The following MIER1 variants were observed in gnomAD, a reference collection of about 807,000 sequenced individuals.
MIER1 encodes mesoderm induction early response protein 1.
A neutral mutation model predicts 75.7 loss-of-function variants in MIER1; 40 were observed. The ratio of observed to expected loss-of-function variants is 0.53; its 90% CI spans 0.41 to 0.69. The LOEUF (loss-of-function observed/expected upper bound fraction) is 0.69, where lower values mean the gene tolerates loss of function less well. Ranked by LOEUF, MIER1 falls within the 30% of genes least tolerant of loss-of-function variation. The pLI is 0.00. For missense variants in MIER1, 574 were observed against 680.2 expected, an observed-to-expected ratio of 0.84 and a Z score of 1.74; for synonymous variants, 213 against 223.4, an observed-to-expected ratio of 0.95 and a Z score of 0.42.
intron 7 of MIER1, among the ~76,000 whole-genome samples, chr1:66,960,942 ATGTGT>A (rs1228981612): frequency 1.3e-5 from 2 of 152,042 alleles, no homozygotes; most frequent in Non-Finnish European, 2.9e-5. Context: ...TATCTTCAAC[ATGTGT>A]TGTTTTTTAA....
At chr1:66,977,444 A>G (rs1664950237) in intron 12 of MIER1, among the ~76,000 whole-genome samples, 1 of 152,188 alleles carries the variant, frequency 6.6e-6, no homozygotes, top group Non-Finnish European at 1.5e-5. Flanking sequence ...AAACATGTAT[A>G]TGGTGACTTT....
At chr1:66,976,510 A>T in intron 11 of MIER1, 85 bp from the exon 12 acceptor site, 1 of 1,387,978 alleles carries the variant, frequency 7.2e-7, no homozygotes, top group Non-Finnish European at 9.8e-7. Context: ...GGACTAGCCA[A>T]ATTTATTTTC....
At chr1:66,947,082 A>G in intron 4 of MIER1, 1 of 906,380 alleles carries the variant, frequency 1.1e-6, no homozygotes, top group Non-Finnish European at 1.3e-6. Flanking sequence ...CTTATTTTAA[A>G]AAGCAGATTT....
chr1:66,975,918 CTG>C (rs1009244297), intron 11 of MIER1, among the ~76,000 whole-genome samples: 2 of 152,146 alleles, frequency 1.3e-5, no homozygotes, highest in Non-Finnish European at 2.9e-5. Context: ...TACCCGTACT[CTG>C]TGAGTAAAAG....
chr1:66,953,262 AAAT>A (rs1659380084), intron 4 of MIER1, among the ~76,000 whole-genome samples: 1 of 152,236 alleles, frequency 6.6e-6, no homozygotes, highest in African/African-American at 2.4e-5. Context: ...GGGAAATAAT[AAAT>A]AATCCTTACA....
chr1:66,971,841 A>G, intron 10 of MIER1, 105 bp downstream of exon 10: 1 of 572,500 alleles, frequency 1.7e-6, no homozygotes, highest in Non-Finnish European at 3.1e-6. Context: ...GATTTTTCTG[A>G]GTTTGATAAA....
chr1:66,950,802 A>G (rs537823992), intron 4 of MIER1, among the ~76,000 whole-genome samples: 2 of 148,634 alleles, frequency 1.3e-5, no homozygotes, highest in East Asian at 4.0e-4. Flanking sequence ...CTTCTAGTCA[A>G]GCCCCAGCCC....
intron 13 of MIER1, among the ~76,000 whole-genome samples, chr1:66,983,182 C>T (rs780592902): frequency 6.6e-6 from 1 of 152,202 alleles, no homozygotes; most frequent in Non-Finnish European, 1.5e-5. Flanking sequence ...AGGAACTTTT[C>T]ATCCCAATGT....
In MIER1 at chr1:66,970,976, A is replaced by G. The variant is rs756713305; in HGVS notation, c.924+17A>G. ...AATGAACAGGTCTGTGAAAGAAACA[A>G]CTGTTAGAACTTTGCCATACACATT... On this transcript the variant is annotated intron_variant, in intron 9 of 13. Coordinates refer to ENST00000401041, the MANE Select transcript of MIER1 (RefSeq NM_001077700.3). The G allele has an allele frequency of 6.4e-6, 10 of 1,562,198 alleles. No individual in the cohort carries two copies. Among genetic ancestry groups the G allele is most frequent in the Non-Finnish European group, 7.7e-6 (9 of 1,164,326 alleles).
intron 11 of MIER1, among the ~76,000 whole-genome samples, chr1:66,974,985 CA>C (rs1285939423): frequency 6.6e-6 from 1 of 151,906 alleles, no homozygotes; most frequent in Non-Finnish European, 1.5e-5. Context: ...CTAGAGGAGA[CA>C]AAAAACAGCT....
chr1:66,930,382 T>C (rs747817583), intron 2 of MIER1: 6 of 1,608,286 alleles, frequency 3.7e-6, no homozygotes, highest in Non-Finnish European at 5.1e-6. Flanking sequence ...GACCCGGCAG[T>C]ACGGCAAATA....
chr1:66,959,765 C>A (rs1570364388), intron 7 of MIER1, 22 bp downstream of exon 7: 3 of 1,203,762 alleles, frequency 2.5e-6, no homozygotes, highest in Non-Finnish European at 2.3e-6. Context: ...AATATTTTCC[C>A]AAAATTTAGA....
chr1:66,949,620 A>G (rs1028029280), intron 4 of MIER1, among the ~76,000 whole-genome samples: 2 of 152,218 alleles, frequency 1.3e-5, no homozygotes, highest in African/African-American at 4.8e-5. Context: ...CCTGAAGCTA[A>G]GCAATATTTT....
At chr1:66,965,311 G>C (rs1662153717) in intron 8 of MIER1, among the ~76,000 whole-genome samples, 1 of 152,014 alleles carries the variant, frequency 6.6e-6, no homozygotes, top group Admixed American at 6.6e-5. Context: ...TAAATGAACT[G>C]AAAGACATTT....
At position 66,987,652 on chromosome 1, in the gene MIER1, A is replaced by G. The variant is rs986097236; in HGVS notation, c.*2752A>G. On this transcript the variant is annotated 3_prime_UTR_variant, in exon 14 of 14. Transcript: ENST00000401041. Reference sequence around the variant, plus strand: ...CCATTCTGAATATGCTTATTAAAATATTTTTTTAAACATATTTGCCTACAT... The same window carrying G: ...CCATTCTGAATATGCTTATTAAAATGTTTTTTTAAACATATTTGCCTACAT... 15 of 152,712 alleles carry G rather than the reference A, an allele frequency of 9.8e-5. No homozygotes were observed. The highest frequency in any genetic ancestry group is 2.0e-4 in the Admixed American group (3 of 15,296). 9.5% of individuals were successfully genotyped at this position (152,712 alleles called of 1,614,324 possible).
chr1:66,964,614 A>C (rs1382052255), intron 8 of MIER1, among the ~76,000 whole-genome samples: 1 of 151,634 alleles, frequency 6.6e-6, no homozygotes, highest in Admixed American at 6.6e-5. Flanking sequence ...CACCACGCCC[A>C]GCTAATTTTG....
At chr1:66,941,279 G>A (rs12083687) in intron 3 of MIER1, among the ~76,000 whole-genome samples, 10,385 of 152,156 alleles carry the variant, frequency 0.068, 1,144 homozygotes, top group African/African-American at 0.24. Context: ...TGAGAGTAAA[G>A]TACATTAGGC....
At chr1:66,942,189 T>TA (rs1357272691) in intron 3 of MIER1, among the ~76,000 whole-genome samples, 1 of 152,182 alleles carries the variant, frequency 6.6e-6, no homozygotes, top group African/African-American at 2.4e-5. Flanking sequence ...AAATTAGAAA[T>TA]ACTCATGTAA....
At chr1:66,972,194 C>T (rs1663748100) in intron 10 of MIER1, among the ~76,000 whole-genome samples, 2 of 146,176 alleles carry the variant, frequency 1.4e-5, no homozygotes, top group Non-Finnish European at 3.0e-5. Context: ...CTGGCTCCTA[C>T]CCCCCTTCAC....
Sources: allele counts gnomAD v4.1 joint callset (sites outside exome capture counted in the v4.1 genomes callset), GRCh38; gene constraint gnomAD v4.1.1; transcripts MANE v1.5; gene names NCBI Gene and HGNC (gene_info 2026-07-23, HGNC 2026-07-21).